PRKCB: variants seen among roughly 807,000 people sequenced by gnomAD.
The protein encoded by PRKCB is protein kinase C beta type.
A neutral mutation model predicts 81.5 loss-of-function variants in PRKCB; 13 were observed. The observed-to-expected ratio is 0.16, with a 90% CI of 0.10 to 0.25. PRKCB has a LOEUF of 0.25. PRKCB is among the 10% of genes least tolerant of loss of function. PRKCB has a pLI of 1.00. For synonymous variants in PRKCB, 335 were observed against 321.4 expected (o/e 1.04, Z -0.45); for missense variants, 509 against 875.7 (o/e 0.58, Z 5.29).
chr16:24,213,332 C>CTTT (rs1472746078), intron 16 of PRKCB, among the ~76,000 whole-genome samples: 1 of 152,170 alleles, frequency 6.6e-6, no homozygotes, highest in African/African-American at 2.4e-5. Context: ...TGCGCCCAGT[C>CTTT]ACTGTACTTG....
chr16:24,081,256 C>T (rs1353193430), intron 5 of PRKCB, among the ~76,000 whole-genome samples: 1 of 149,626 alleles, frequency 6.7e-6, no homozygotes, highest in African/African-American at 2.5e-5. Context: ...TGCAAGCTGG[C>T]TTAATAATAA....
intron 15 of PRKCB, among the ~76,000 whole-genome samples, chr16:24,189,279 A>G (rs988066607): frequency 1.3e-5 from 2 of 152,122 alleles, no homozygotes; most frequent in African/African-American, 4.8e-5. Flanking sequence ...TTTTATTCAA[A>G]TGGGAAAAAT....
chr16:23,932,054 A>T (rs1414836288), intron 2 of PRKCB, among the ~76,000 whole-genome samples: 1 of 152,228 alleles, frequency 6.6e-6, no homozygotes, highest in Non-Finnish European at 1.5e-5. Flanking sequence ...GATCTAACCA[A>T]ATTTACAGGA....
chr16:24,219,474 C>T lies in PRKCB; in HGVS notation c.*4658C>T, dbSNP rs1048468713. On this transcript the variant is annotated 3_prime_UTR_variant, in exon 17 of 17. Coordinates refer to ENST00000643927, the MANE Select transcript of PRKCB (RefSeq NM_002738.7). ...TTTCTCCACATGGCCATTCTGCCTT[C>T]TTGGGGGCAGAGTAGATGGGCAGCA... The T allele has an allele frequency of 4.1e-6, 4 of 986,562 alleles. No homozygotes were observed. The highest frequency in any genetic ancestry group is 4.8e-6 in the Non-Finnish European group (4 of 830,884). 61.1% of individuals were successfully genotyped at this position (986,562 alleles called of 1,614,324 possible).
chr16:24,159,372 C>A (rs1967220182), intron 10 of PRKCB, among the ~76,000 whole-genome samples: 3 of 152,148 alleles, frequency 2.0e-5, no homozygotes, highest in Admixed American at 2.0e-4. Context: ...TGTTGAGTTG[C>A]CACCAAAATG....
At chr16:23,948,994 T>A (rs1474745350) in intron 2 of PRKCB, among the ~76,000 whole-genome samples, 1 of 152,154 alleles carries the variant, frequency 6.6e-6, no homozygotes, top group Non-Finnish European at 1.5e-5. Flanking sequence ...TGTTGGTTTT[T>A]TACTGACAAC....
chr16:23,920,045 A>G (rs555241000), intron 2 of PRKCB, among the ~76,000 whole-genome samples: 42 of 152,162 alleles, frequency 2.8e-4, no homozygotes, highest in Non-Finnish European at 5.9e-4. Flanking sequence ...TTAAATGGTA[A>G]TTCTATTTTT....
chr16:23,899,620 CTCTCTCTCTCTCTCTCTCTCTCTCTG>C lies in PRKCB; in HGVS notation c.205+62216_205+62241del, dbSNP rs1963435888. On this transcript the variant is annotated intron_variant, in intron 2 of 16. Transcript: ENST00000643927. ...CCATAAGAACTCTCTCTCTCTCTCT[CTCTCTCTCTCTCTCTCTCTCTCTCTG>C]TGTGTGTGTGTGTGTGTGTGTGGTT... 5.9e-4 allele frequency among the ~76,000 whole-genome samples: 8 copies of C among 13,670 alleles called. 2 individuals are homozygous for C. The South Asian group carries it at 0.025, about 42-fold the overall frequency. The allele number at this position is 13,670 out of a possible 152,430, so 9.0% of individuals were successfully genotyped here.
chr16:24,090,676 A>G (rs951305024), intron 5 of PRKCB, among the ~76,000 whole-genome samples: 1 of 152,200 alleles, frequency 6.6e-6, no homozygotes, highest in Non-Finnish European at 1.5e-5. Context: ...GGACTGACGA[A>G]TAGGGGAAGA....
At chr16:24,203,650 G>A (rs914718190) in intron 16 of PRKCB, among the ~76,000 whole-genome samples, 1 of 152,158 alleles carries the variant, frequency 6.6e-6, no homozygotes, top group African/African-American at 2.4e-5. Flanking sequence ...AATTTGGAGG[G>A]TTGAGACCAG....
intron 2 of PRKCB, among the ~76,000 whole-genome samples, chr16:23,855,400 T>G (rs1304043585): frequency 6.6e-6 from 1 of 152,102 alleles, no homozygotes; most frequent in African/African-American, 2.4e-5. Context: ...CTCCCAGAGT[T>G]CTATGTGGAT....
chr16:24,111,451 C>T (rs1313790378), intron 7 of PRKCB: 1 of 151,858 alleles, frequency 6.6e-6, no homozygotes, highest in Non-Finnish European at 1.5e-5. Context: ...ATGAAAAAAT[C>T]TTTGTGGTCA....
chr16:23,911,770 A>T (rs2141733694), intron 2 of PRKCB, among the ~76,000 whole-genome samples: 1 of 149,476 alleles, frequency 6.7e-6, no homozygotes, highest in Non-Finnish European at 1.5e-5. Flanking sequence ...CTTACATGAG[A>T]TGTCCTTCTT....
intron 2 of PRKCB, among the ~76,000 whole-genome samples, chr16:23,965,234 A>G (rs1345950239): frequency 6.6e-6 from 1 of 152,234 alleles, no homozygotes; most frequent in Non-Finnish European, 1.5e-5. Context: ...TATAAGTGAG[A>G]ATATGCAGCA....
At chr16:23,991,896 A>C (rs1964890803) in intron 3 of PRKCB, among the ~76,000 whole-genome samples, 1 of 152,210 alleles carries the variant, frequency 6.6e-6, no homozygotes, top group Admixed American at 6.5e-5. Flanking sequence ...GCCTGGGTAT[A>C]TGCTGCTGTG....
chr16:23,970,273 CT>C (rs144969127), intron 2 of PRKCB, among the ~76,000 whole-genome samples: 11,831 of 152,220 alleles, frequency 0.078, 657 homozygotes, highest in South Asian at 0.15. Context: ...GGTAGTAACA[CT>C]CCTTCACCCT....
chr16:24,004,257 G>T (rs570009262), intron 3 of PRKCB, among the ~76,000 whole-genome samples: 1 of 152,044 alleles, frequency 6.6e-6, no homozygotes, highest in South Asian at 2.1e-4. Context: ...TACAACTCTT[G>T]GCAGTGTATA....
intron 9 of PRKCB, among the ~76,000 whole-genome samples, chr16:24,141,335 CA>C (rs1193956974): frequency 2.0e-5 from 3 of 152,160 alleles, no homozygotes; most frequent in Non-Finnish European, 2.9e-5. Flanking sequence ...GCTGGGATTG[CA>C]AGCATGCACC....
chr16:24,080,704 G>A (rs923194822), intron 5 of PRKCB, among the ~76,000 whole-genome samples: 1 of 151,940 alleles, frequency 6.6e-6, no homozygotes, highest in Non-Finnish European at 1.5e-5. Flanking sequence ...GGAAAAATAC[G>A]GAAACTAACA....
Sources: allele counts gnomAD v4.1 joint callset (sites outside exome capture counted in the v4.1 genomes callset), GRCh38; gene constraint gnomAD v4.1.1; transcripts MANE v1.5; gene names NCBI Gene and HGNC (gene_info 2026-07-23, HGNC 2026-07-21).